The following LPAR3 variants were observed in gnomAD, a reference collection of about 807,000 sequenced individuals.
The protein encoded by LPAR3 is LPA receptor 3.
Under a neutral mutation model 17.8 loss-of-function variants are expected in LPAR3, and 7 were observed. The ratio of observed to expected loss-of-function variants is 0.39; its 90% CI spans 0.22 to 0.74. LPAR3 has a LOEUF of 0.74. Among genes scored for constraint, LPAR3 ranks in the 30% least tolerant of loss-of-function variants. LPAR3 has a pLI of 0.40. For synonymous variants in LPAR3, 179 were observed against 179.9 expected (o/e 0.99, Z 0.04); for missense variants, 391 against 453.4 (o/e 0.86, Z 1.25).
intron 1 of LPAR3, among the ~76,000 whole-genome samples, chr1:84,877,381 CT>C (rs1348271568): frequency 6.6e-6 from 1 of 152,160 alleles, no homozygotes; most frequent in Non-Finnish European, 1.5e-5. Context: ...TGCCTGCAGC[CT>C]TAGTGGAACT....
At chr1:84,815,452 A>G (rs1429379729) in intron 2 of LPAR3, among the ~76,000 whole-genome samples, 1 of 152,216 alleles carries the variant, frequency 6.6e-6, no homozygotes, top group East Asian at 1.9e-4. Context: ...TCTATAGATG[A>G]TATCACCAAC....
At chr1:84,824,905 C>T (rs1387655204) in intron 2 of LPAR3, among the ~76,000 whole-genome samples, 1 of 152,216 alleles carries the variant, frequency 6.6e-6, no homozygotes, top group East Asian at 1.9e-4. Flanking sequence ...CCTTATTCAA[C>T]TTAGATTACC....
intron 2 of LPAR3, among the ~76,000 whole-genome samples, chr1:84,838,140 C>T (rs1659440181): frequency 6.6e-6 from 1 of 152,098 alleles, no homozygotes; most frequent in African/African-American, 2.4e-5. Context: ...AAAAGTAGTC[C>T]TTGGGAGTTG....
chr1:84,864,291 G>A (rs1275178375), intron 2 of LPAR3, among the ~76,000 whole-genome samples: 4 of 151,802 alleles, frequency 2.6e-5, no homozygotes, highest in Non-Finnish European at 4.4e-5. Flanking sequence ...GATCTCTCCC[G>A]AGTACTGAAA....
intron 1 of LPAR3, among the ~76,000 whole-genome samples, chr1:84,890,092 T>C (rs1439815630): frequency 2.6e-5 from 4 of 152,060 alleles, no homozygotes; most frequent in Non-Finnish European, 5.9e-5. Flanking sequence ...CCCAGCCCCA[T>C]CACCACCTCT....
chr1:84,884,080 T>C (rs769563273), intron 1 of LPAR3, among the ~76,000 whole-genome samples: 1 of 152,240 alleles, frequency 6.6e-6, no homozygotes, highest in Non-Finnish European at 1.5e-5. Context: ...TATTTGGAAA[T>C]GTTATTACTT....
intron 2 of LPAR3, among the ~76,000 whole-genome samples, chr1:84,864,257 C>T (rs1257472202): frequency 1.3e-5 from 2 of 151,936 alleles, no homozygotes; most frequent in Admixed American, 1.3e-4. Context: ...TGACCATCAC[C>T]TTCAACTACC....
intron 2 of LPAR3, among the ~76,000 whole-genome samples, chr1:84,829,773 A>G (rs1659247063): frequency 6.6e-6 from 1 of 152,214 alleles, no homozygotes; most frequent in South Asian, 2.1e-4. Context: ...TCAAAGTTTG[A>G]CAGAAGGAAT....
At chr1:84,824,172 A>G (rs1201991495) in intron 2 of LPAR3, among the ~76,000 whole-genome samples, 1 of 152,214 alleles carries the variant, frequency 6.6e-6, no homozygotes, top group Non-Finnish European at 1.5e-5. Flanking sequence ...CATTCTGGAC[A>G]TAACAGATGG....
chr1:84,867,389 G>A (rs1464472796), intron 1 of LPAR3, among the ~76,000 whole-genome samples: 1 of 152,176 alleles, frequency 6.6e-6, no homozygotes, highest in African/African-American at 2.4e-5. Flanking sequence ...AGTCGGCAGA[G>A]GGACTGAGCA....
chr1:84,844,947 T>C (rs961639146), intron 2 of LPAR3, among the ~76,000 whole-genome samples: 4 of 152,214 alleles, frequency 2.6e-5, no homozygotes, highest in African/African-American at 4.8e-5. Flanking sequence ...TTCTACAATG[T>C]GTACATTTTA....
At chr1:84,858,465 G>A (rs550473225) in intron 2 of LPAR3, among the ~76,000 whole-genome samples, 3 of 138,906 alleles carry the variant, frequency 2.2e-5, no homozygotes, top group Non-Finnish European at 3.1e-5. Context: ...AGCCTTGGGC[G>A]ACAGGGCGAG....
intron 1 of LPAR3, among the ~76,000 whole-genome samples, chr1:84,879,323 T>C (rs28545088): frequency 4.2e-5 from 3 of 70,922 alleles, no homozygotes; most frequent in Non-Finnish European, 8.4e-5. Flanking sequence ...TTTCTTTTTT[T>C]TTTTTTGAGA....
At chr1:84,857,160 T>C (rs1244290605) in intron 2 of LPAR3, among the ~76,000 whole-genome samples, 2 of 152,146 alleles carry the variant, frequency 1.3e-5, no homozygotes, top group African/African-American at 2.4e-5. Flanking sequence ...AGGCTTCTAG[T>C]CCCTGTGTCC....
intron 1 of LPAR3, among the ~76,000 whole-genome samples, chr1:84,891,603 A>C (rs1349918905): frequency 6.6e-6 from 1 of 152,246 alleles, no homozygotes; most frequent in Non-Finnish European, 1.5e-5. Flanking sequence ...TCCACTGCCC[A>C]TGGAAAGCAG....
intron 2 of LPAR3, among the ~76,000 whole-genome samples, chr1:84,842,640 G>GA (rs1428894965): frequency 1.3e-5 from 2 of 152,164 alleles, no homozygotes; most frequent in African/African-American, 4.8e-5. Context: ...ATTGTCTTCT[G>GA]AAAAAATTTA....
chr1:84,822,371 A>AAT (rs1239002217), intron 2 of LPAR3, among the ~76,000 whole-genome samples: 2 of 152,194 alleles, frequency 1.3e-5, no homozygotes, highest in African/African-American at 4.8e-5. Context: ...AAGTTAAGTG[A>AAT]ATAGCATGCT....
chr1:84,866,064 A>G lies in LPAR3; in HGVS notation c.57T>C (p.Thr19=). The G allele has an allele frequency of 6.2e-7, 1 of 1,607,590 alleles. No individual in the cohort carries two copies. The highest frequency in any genetic ancestry group is 8.5e-7 in the Non-Finnish European group (1 of 1,177,694). ...HMDFFYNRSN[T]DTVDDWTGTK... ...TTCCTGTCCAGTCATCGACAGTATC[A>G]GTGTTGCTCCTATTATAAAAAAAGT... The change falls in exon 2 of 3, where the codon ACT becomes ACC. Residue 19 remains threonine, a synonymous_variant. Transcript: ENST00000370611.
chr1:84,853,027 A>G (rs1659749243), intron 2 of LPAR3, among the ~76,000 whole-genome samples: 1 of 151,914 alleles, frequency 6.6e-6, no homozygotes, highest in Non-Finnish European at 1.5e-5. Context: ...AGACTGAGGC[A>G]GAAGGATCGC....
Sources: allele counts gnomAD v4.1 joint callset (sites outside exome capture counted in the v4.1 genomes callset), GRCh38; gene constraint gnomAD v4.1.1; transcripts MANE v1.5; gene names NCBI Gene and HGNC (gene_info 2026-07-23, HGNC 2026-07-21).